PPP2R3B: variants seen among roughly 807,000 people sequenced by gnomAD.
The protein encoded by PPP2R3B is protein phosphatase 2 regulatory subunit B''beta.
In PPP2R3B, 68 loss-of-function variants were observed where a neutral mutation model predicts 72.9. The observed-to-expected ratio is 0.93, with a 90% CI of 0.77 to 1.14. The LOEUF (loss-of-function observed/expected upper bound fraction) is 1.14. Among genes scored for constraint, PPP2R3B ranks in the 50% most tolerant of loss-of-function variants. The pLI, the probability that PPP2R3B is intolerant of heterozygous loss-of-function variation, is 0.00. For missense variants in PPP2R3B, 1,018 were observed against 842.0 expected, an observed-to-expected ratio of 1.21 and a Z score of -2.59; for synonymous variants, 466 against 375.8, an observed-to-expected ratio of 1.24 and a Z score of -2.78.
At chrX:350,538 C>T (rs1164822489) in intron 2 of PPP2R3B, among the ~76,000 whole-genome samples, 8 of 147,200 alleles carry the variant, frequency 5.4e-5, no homozygotes, top group African/African-American at 2.2e-4. Context: ...GGCCCGAACA[C>T]GACCGAGTGG....
chrX:341,489 G>C lies in PPP2R3B; in HGVS notation c.1086-93C>G. Reference sequence around the variant, plus strand: ...CTGTCCACGCGCCTCGGTGAGGGGAGCCCCCCGGGCCCGGCCCTCCTCCTG... The same window carrying C: ...CTGTCCACGCGCCTCGGTGAGGGGACCCCCCCGGGCCCGGCCCTCCTCCTG... On this transcript the variant is annotated intron_variant, in intron 8 of 12. Transcript: ENST00000390665. The C allele has an allele frequency of 6.4e-6, 8 of 1,259,602 alleles. No individual in the cohort carries two copies. In the South Asian group the frequency reaches 7.3e-5, roughly 11 times the overall value. 78.0% of individuals were successfully genotyped at this position (1,259,602 alleles called of 1,614,324 possible).
intron 1 of PPP2R3B, among the ~76,000 whole-genome samples, chrX:369,539 C>T (rs945773465): frequency 2.0e-5 from 3 of 152,220 alleles, no homozygotes; most frequent in African/African-American, 7.2e-5. Flanking sequence ...CTGAGCCTAA[C>T]ACTGAGGCTG....
intron 8 of PPP2R3B, 101 bp from the exon 9 acceptor site, chrX:341,497 G>A: frequency 3.2e-6 from 3 of 950,920 alleles, no homozygotes; most frequent in Non-Finnish European, 4.8e-6. Context: ...GAGCCCCCCG[G>A]GCCCGGCCCT....
At chrX:363,602 C>T (rs1359059196) in intron 1 of PPP2R3B, among the ~76,000 whole-genome samples, 3 of 147,206 alleles carry the variant, frequency 2.0e-5, no homozygotes, top group Admixed American at 6.7e-5. Flanking sequence ...TCCCCGTGCC[C>T]GCAATCCCAC....
At position 385,705 on chromosome X, in the gene PPP2R3B, G is replaced by A. The variant is rs1447743584; in HGVS notation, c.324+663C>T. 5.3e-5 allele frequency among the ~76,000 whole-genome samples: 8 copies of A among 152,188 alleles called. 1 individual carries two copies. Among genetic ancestry groups the A allele is most frequent in the Admixed American group, 3.9e-4 (6 of 15,272 alleles). ...AATCCCAGCTACTGGGGAGGCTGAG[G>A]CAGGAAGTCCAACTGTGTTTGCGCC... is the stretch of plus-strand genomic sequence containing the variant. On this transcript the variant is annotated intron_variant, in intron 1 of 12. Coordinates refer to ENST00000390665, the MANE Select transcript of PPP2R3B (RefSeq NM_013239.5).
chrX:354,235 TCACCCAAACACTGGGGG>T (rs1569395714), intron 2 of PPP2R3B, among the ~76,000 whole-genome samples: 124 of 53,780 alleles, frequency 2.3e-3, no homozygotes, highest in Middle Eastern at 0.018. Context: ...GACCGGGGGC[TCACCCAAACACTGGGGG>T]CTCACCCAAA....
In PPP2R3B at chrX:338,738, C is replaced by T. The variant is rs185364761; in HGVS notation, c.1471-28G>A. On this transcript the variant is annotated intron_variant, in intron 11 of 12. Coordinates refer to ENST00000390665, the MANE Select transcript of PPP2R3B (RefSeq NM_013239.5). Reference sequence around the variant, plus strand: ...GGAGGAAGCACACGGGTTACGTACACGGCGTGGCGCGGCCCGGCCCGCGTG... The same window carrying T: ...GGAGGAAGCACACGGGTTACGTACATGGCGTGGCGCGGCCCGGCCCGCGTG... The T allele has an allele frequency of 2.0e-4, 318 of 1,611,700 alleles. 2 individuals carry two copies. Among genetic ancestry groups the T allele is most frequent in the African/African-American group, 1.7e-3 (125 of 75,024 alleles).
At chrX:364,338 C>G (rs1330248907) in intron 1 of PPP2R3B, among the ~76,000 whole-genome samples, 2 of 151,920 alleles carry the variant, frequency 1.3e-5, no homozygotes, top group Non-Finnish European at 2.9e-5. Flanking sequence ...GACTCTCCTG[C>G]AGGTTTGCAA....
intron 1 of PPP2R3B, among the ~76,000 whole-genome samples, chrX:382,217 CAG>C (rs2072143487): frequency 7.2e-6 from 1 of 138,642 alleles, no homozygotes; most frequent in Non-Finnish European, 1.5e-5. Context: ...TTTTTTGAGA[CAG>C]AGTGTCTCAC....
intron 6 of PPP2R3B, 136 bp from the exon 7 acceptor site, chrX:345,808 C>T (rs778712607): frequency 1.4e-4 from 18 of 126,192 alleles, no homozygotes; most frequent in African/African-American, 7.0e-4. Context: ...CAGCTGGGGC[C>T]GGGGGGCACT....
intron 1 of PPP2R3B, among the ~76,000 whole-genome samples, chrX:364,475 C>G (rs1220322758): frequency 1.4e-5 from 2 of 147,842 alleles, no homozygotes; most frequent in East Asian, 3.9e-4. Context: ...TCAAGACCAG[C>G]CTGGGCAACA....
At chrX:351,355 C>T (rs2071329208) in intron 2 of PPP2R3B, among the ~76,000 whole-genome samples, 1 of 152,180 alleles carries the variant, frequency 6.6e-6, no homozygotes, top group South Asian at 2.1e-4. Context: ...CCCAAGCGCT[C>T]AACACCCAGG....
intron 1 of PPP2R3B, among the ~76,000 whole-genome samples, chrX:385,066 CAG>C (rs1569421914): frequency 6.7e-6 from 1 of 150,064 alleles, no homozygotes; most frequent in Non-Finnish European, 1.5e-5. Flanking sequence ...GGCCGGTTGA[CAG>C]AGGCTGCAGA....
Position 334,535 on chromosome X carries a change from C to G in PPP2R3B, c.1578-18G>C, listed in dbSNP as rs374590771. On this transcript the variant is annotated intron_variant, in intron 12 of 12. Transcript: ENST00000390665. The stretch of plus-strand genomic sequence containing the variant: ...CCTCGAACCTGCAACGAGGGGATGG[C>G]GAAGACGTGGCCAGCAGCGCGGAGC... 2 of 1,522,924 alleles carry G rather than the reference C, an allele frequency of 1.3e-6. No individual in the cohort carries two copies. Among genetic ancestry groups the G allele is most frequent in the South Asian group, 2.5e-5 (2 of 81,086 alleles). The allele number at this position is 1,522,924 out of a possible 1,614,324, so 94.3% of individuals were successfully genotyped here.
intron 1 of PPP2R3B, among the ~76,000 whole-genome samples, chrX:367,451 CG>C (rs1174377751): frequency 6.7e-6 from 1 of 149,496 alleles, no homozygotes; most frequent in Non-Finnish European, 1.5e-5. Context: ...TTTATAGAGA[CG>C]GGGTCTCGCT....
intron 7 of PPP2R3B, among the ~76,000 whole-genome samples, chrX:344,183 G>A (rs2071143070): frequency 9.4e-6 from 1 of 105,968 alleles, no homozygotes; most frequent in South Asian, 4.2e-4. Flanking sequence ...ACCAACGGGA[G>A]GCGGGAGTGA....
intron 8 of PPP2R3B, 111 bp from the exon 9 acceptor site, chrX:341,507 T>TCCTCCTGCCCC (rs775033622): frequency 0.086 from 88,513 of 1,033,444 alleles, 5,561 homozygotes; most frequent in Admixed American, 0.1. Flanking sequence ...GGCCCGGCCC[T>TCCTCCTGCCCC]CCTCCTGCCC....
rs2070828060 is a variant in PPP2R3B, at chrX:334,358, CG to C, written c.*8del. ...GAGCGGCCCCGCGGCGGCGTTCTCG[CG>C]GGCGGCGTCACAGCGGCTCCAGGTC... On this transcript the variant is annotated 3_prime_UTR_variant, in exon 13 of 13. Transcript: ENST00000390665. The C allele has an allele frequency of 6.8e-7, 1 of 1,474,570 alleles. No individual in the cohort carries two copies. The highest frequency in any genetic ancestry group is 1.7e-5 in the African/African-American group (1 of 58,254). The allele number at this position is 1,474,570 out of a possible 1,614,324, so 91.3% of individuals were successfully genotyped here. A position where few individuals can be genotyped will look rare whatever the true frequency, so the allele number is the denominator to read the frequency against.
intron 10 of PPP2R3B, among the ~76,000 whole-genome samples, chrX:340,302 CCTAGGTTCTCT>C (rs2124580809): frequency 6.6e-6 from 1 of 150,718 alleles, no homozygotes; most frequent in East Asian, 2.0e-4. Flanking sequence ...GAGCTCCGGC[CCTAGGTTCTCT>C]AGGTCACCCC....
Sources: gnomAD v4.1 joint callset for allele counts (sites outside exome capture counted in the v4.1 genomes callset) on GRCh38, gnomAD v4.1.1 for gene constraint, MANE v1.5 for transcripts, NCBI Gene and HGNC (gene_info 2026-07-23, HGNC 2026-07-21) for gene names.